The following TMEM106B variants were observed in gnomAD, a reference collection of about 807,000 sequenced individuals.
TMEM106B encodes transmembrane protein 106B.
In TMEM106B, 15 loss-of-function variants were observed where a neutral mutation model predicts 31.1. That is an observed-to-expected ratio of 0.48 (90% confidence interval 0.32 to 0.74). The LOEUF (loss-of-function observed/expected upper bound fraction) is 0.74. Among genes scored for constraint, TMEM106B ranks in the 30% least tolerant of loss-of-function variants. The probability of loss-of-function intolerance (pLI) is 0.03; values close to 1 mark genes in which losing one functional copy is unlikely to be tolerated. For synonymous variants in TMEM106B, 126 were observed against 112.5 expected, an observed-to-expected ratio of 1.12 and a Z score of -0.76; for missense variants, 283 against 327.3, an observed-to-expected ratio of 0.86 and a Z score of 1.04.
chr7:12,214,926 A>G lies in TMEM106B; in HGVS notation c.116A>G (p.Asp39Gly). 1 of 1,614,122 alleles carries G rather than the reference A, an allele frequency of 6.2e-7. No homozygotes were observed. Among genetic ancestry groups the G allele is most frequent in the Non-Finnish European group, 8.5e-7 (1 of 1,179,978 alleles). ...GLVNSEVHNE[D>G]GRNGDVSQFP... ...GTTAATAGTGAAGTCCATAATGAAG[A>G]TGGAAGAAATGGAGATGTCTCTCAG... is the stretch of plus-strand genomic sequence containing the variant. The change falls in exon 2 of 8, where the codon GAT becomes GGT. Residue 39 changes from aspartate to glycine, a missense_variant. This residue lies in a region of TMEM106B where 77 missense variants were observed against 89.4 expected (regional missense o/e 0.86). Coordinates refer to ENST00000396668, the MANE Select transcript of TMEM106B (RefSeq NM_001134232.2).
At chr7:12,222,945 C>T (rs1435527) in intron 3 of TMEM106B, among the ~76,000 whole-genome samples, 77,013 of 151,858 alleles carry the variant, frequency 0.51, 20,547 homozygotes, top group African/African-American at 0.66. Flanking sequence ...GAAATGGTGG[C>T]GGAGAGTGGA....
chr7:12,215,268 T>G (rs914217930), intron 2 of TMEM106B, among the ~76,000 whole-genome samples: 2 of 152,228 alleles, frequency 1.3e-5, no homozygotes, highest in Non-Finnish European at 2.9e-5. Context: ...TCCCACCTGC[T>G]ATTATAGCAG....
In TMEM106B at chr7:12,239,563, T is replaced by C. The variant is rs1782204204; in HGVS notation, c.*7588T>C. 1 of 152,154 alleles carries C rather than the reference T, an allele frequency of 6.6e-6. No homozygotes were observed. Among genetic ancestry groups the C allele is most frequent in the Non-Finnish European group, 1.5e-5 (1 of 68,012 alleles). 9.4% of individuals were successfully genotyped at this position (152,154 alleles called of 1,614,324 possible). A position where few individuals can be genotyped will look rare whatever the true frequency, so the allele number is the denominator to read the frequency against. Reference sequence around the variant, plus strand: ...ATTGTCCTTGGTGAGAAATGCTTGATTACTAGGTGTAATTATTTCTAGCTT... The same window carrying C: ...ATTGTCCTTGGTGAGAAATGCTTGACTACTAGGTGTAATTATTTCTAGCTT... On this transcript the variant is annotated 3_prime_UTR_variant, in exon 8 of 8. Coordinates refer to ENST00000396668, the MANE Select transcript of TMEM106B (RefSeq NM_001134232.2).
intron 3 of TMEM106B, among the ~76,000 whole-genome samples, chr7:12,221,658 G>T (rs1227729327): frequency 1.3e-5 from 2 of 152,194 alleles, no homozygotes; most frequent in African/African-American, 4.8e-5. Flanking sequence ...CCCTGTGATT[G>T]TACCAGCTTA....
chr7:12,215,062 T>C, intron 2 of TMEM106B, 35 bp downstream of exon 2: 2 of 1,562,648 alleles, frequency 1.3e-6, no homozygotes, highest in Non-Finnish European at 1.7e-6. Flanking sequence ...CTTTAAATGA[T>C]TTTAGGTATT....
chr7:12,239,274 T>C lies in TMEM106B; in HGVS notation c.*7299T>C, dbSNP rs1038862497. The C allele has an allele frequency of 2.0e-5, 3 of 152,268 alleles. No individual in the cohort carries two copies. Among genetic ancestry groups the C allele is most frequent in the South Asian group, 2.1e-4 (1 of 4,828 alleles). The allele number at this position is 152,268 out of a possible 1,614,324, so 9.4% of individuals were successfully genotyped here. On this transcript the variant is annotated 3_prime_UTR_variant, in exon 8 of 8. Coordinates refer to ENST00000396668, the MANE Select transcript of TMEM106B (RefSeq NM_001134232.2). ...GCTTCCTCATCTCTCTCAGCCTTCA[T>C]AGAATTGAAGCGTGTTAGGGCTTTG...
rs1441274612 is a variant in TMEM106B, at chr7:12,237,810, T to TACACACACACACACACACAC, written c.*5836_*5837insCACACACACACACACACACA. The TACACACACACACACACACAC allele has an allele frequency of 5.9e-5, 7 of 117,936 alleles. No homozygotes were observed. In the East Asian group the frequency reaches 1.1e-3, roughly 19 times the overall value. 7.3% of individuals were successfully genotyped at this position (117,936 alleles called of 1,614,324 possible). ...ACATGGCGAGACCCCATATAAAATATATACATACACACACACACACACACA... is the reference window on the plus strand; with the variant it reads ...ACATGGCGAGACCCCATATAAAATATACACACACACACACACACACATACATACACACACACACACACACA... On this transcript the variant is annotated 3_prime_UTR_variant, in exon 8 of 8. Transcript: ENST00000396668.
In TMEM106B at chr7:12,233,401, C is replaced by T. The variant is rs1487070741; in HGVS notation, c.*1426C>T. 6.6e-6 allele frequency: 1 copy of T among 151,510 alleles called. No homozygotes were observed. The highest frequency in any genetic ancestry group is 2.4e-5 in the African/African-American group (1 of 41,368). The allele number at this position is 151,510 out of a possible 1,614,324, so 9.4% of individuals were successfully genotyped here. On this transcript the variant is annotated 3_prime_UTR_variant, in exon 8 of 8. Coordinates refer to ENST00000396668, the MANE Select transcript of TMEM106B (RefSeq NM_001134232.2). ...GTTTCCCTTTCCCCACCCCTAAGTG[C>T]CTAACTTAGGTCTGAAACAGCCTGT...
At position 12,239,196 on chromosome 7, in the gene TMEM106B, C is replaced by A. The variant is rs1055355823; in HGVS notation, c.*7221C>A. 1 of 152,144 alleles carries A rather than the reference C, an allele frequency of 6.6e-6. No homozygotes were observed. Among genetic ancestry groups the A allele is most frequent in the Non-Finnish European group, 1.5e-5 (1 of 68,026 alleles). 9.4% of individuals were successfully genotyped at this position (152,144 alleles called of 1,614,324 possible). On this transcript the variant is annotated 3_prime_UTR_variant, in exon 8 of 8. Transcript: ENST00000396668. ...CTTTTATATTATGGAAACAACTTATCTCCTTAAACATCATTAACCAACCTC... is the reference window on the plus strand; with the variant it reads ...CTTTTATATTATGGAAACAACTTATATCCTTAAACATCATTAACCAACCTC...
Position 12,239,184 on chromosome 7 carries a change from G to T in TMEM106B, c.*7209G>T, listed in dbSNP as rs1782196626. 1.3e-5 allele frequency: 2 copies of T among 152,056 alleles called. No individual in the cohort carries two copies. Among genetic ancestry groups the T allele is most frequent in the South Asian group, 2.1e-4 (1 of 4,822 alleles). The allele number at this position is 152,056 out of a possible 1,614,324, so 9.4% of individuals were successfully genotyped here. A position where few individuals can be genotyped will look rare whatever the true frequency, so the allele number is the denominator to read the frequency against. On this transcript the variant is annotated 3_prime_UTR_variant, in exon 8 of 8. Transcript: ENST00000396668. ...CTTCACCTTGCACTTTTATATTATG[G>T]AAACAACTTATCTCCTTAAACATCA... is the stretch of plus-strand genomic sequence containing the variant.
chr7:12,214,359 TACAA>T (rs891354438), intron 1 of TMEM106B: 1 of 153,764 alleles, frequency 6.5e-6, no homozygotes, highest in African/African-American at 2.4e-5. Context: ...TTGTCTTAAC[TACAA>T]ACATTTCTTT....
At position 12,215,040 on chromosome 7, in the gene TMEM106B, G is replaced by C. The variant is rs1488873556; in HGVS notation, c.217+13G>C. On this transcript the variant is annotated intron_variant, in intron 2 of 7. Coordinates refer to ENST00000396668, the MANE Select transcript of TMEM106B (RefSeq NM_001134232.2). ...AGAATTCCTAGGGGTATGTGTTATT[G>C]TATTGTTTTCCCTTTAAATGATTTT... 1 of 1,601,124 alleles carries C rather than the reference G, an allele frequency of 6.2e-7. No individual in the cohort carries two copies. Among genetic ancestry groups the C allele is most frequent in the East Asian group, 2.2e-5 (1 of 44,686 alleles).
intron 1 of TMEM106B, among the ~76,000 whole-genome samples, chr7:12,213,157 AT>A (rs1781614228): frequency 6.6e-6 from 1 of 152,096 alleles, no homozygotes; most frequent in African/African-American, 2.4e-5. Flanking sequence ...AGATTTTTAC[AT>A]TTGTATTGTT....
In TMEM106B at chr7:12,240,176, C is replaced by T. The variant is rs914588544; in HGVS notation, c.*8201C>T. 1 of 152,168 alleles carries T rather than the reference C, an allele frequency of 6.6e-6. No homozygotes were observed. Among genetic ancestry groups the T allele is most frequent in the Admixed American group, 6.6e-5 (1 of 15,266 alleles). 9.4% of individuals were successfully genotyped at this position (152,168 alleles called of 1,614,324 possible). On this transcript the variant is annotated 3_prime_UTR_variant, in exon 8 of 8. Transcript: ENST00000396668. ...GTCCTGACCAAATCGAGTTCTTTCTCATTGGGAACAGTTCATTCCTTTATC... is the reference window on the plus strand; with the variant it reads ...GTCCTGACCAAATCGAGTTCTTTCTTATTGGGAACAGTTCATTCCTTTATC...
Position 12,236,672 on chromosome 7 carries a change from G to A in TMEM106B, c.*4697G>A, listed in dbSNP as rs1304874941. On this transcript the variant is annotated 3_prime_UTR_variant, in exon 8 of 8. Transcript: ENST00000396668. ...CCAGAATTTTAGAAACTAGAAGTCT[G>A]GGAGGTACTATATCAGCTGTAGTTG... The A allele has an allele frequency of 6.6e-6, 1 of 151,992 alleles. No homozygotes were observed. The highest frequency in any genetic ancestry group is 6.6e-5 in the Admixed American group (1 of 15,236). The allele number at this position is 151,992 out of a possible 1,614,324, so 9.4% of individuals were successfully genotyped here.
At chr7:12,223,757 C>G (rs1249022438) in intron 3 of TMEM106B, among the ~76,000 whole-genome samples, 4 of 143,056 alleles carry the variant, frequency 2.8e-5, no homozygotes, top group Non-Finnish European at 4.5e-5. Flanking sequence ...GTCTCGCTCT[C>G]TCGTCCAGGC....
At chr7:12,222,220 A>G (rs978874536) in intron 3 of TMEM106B, among the ~76,000 whole-genome samples, 1 of 152,226 alleles carries the variant, frequency 6.6e-6, no homozygotes, top group Non-Finnish European at 1.5e-5. Context: ...TCATAACTTC[A>G]TTAGCACCTT....
chr7:12,221,849 C>T (rs775505382), intron 3 of TMEM106B, among the ~76,000 whole-genome samples: 1 of 152,118 alleles, frequency 6.6e-6, no homozygotes, highest in Non-Finnish European at 1.5e-5. Flanking sequence ...CAGCTGTGTC[C>T]TGATCAACAT....
At chr7:12,219,905 A>C (rs1489886188) in intron 3 of TMEM106B, among the ~76,000 whole-genome samples, 1 of 152,200 alleles carries the variant, frequency 6.6e-6, no homozygotes, top group Non-Finnish European at 1.5e-5. Flanking sequence ...GGACAAATGC[A>C]AAACATTAAA....
Sources: allele counts gnomAD v4.1 joint callset (sites outside exome capture counted in the v4.1 genomes callset), GRCh38; gene constraint gnomAD v4.1.1; regional missense constraint gnomAD v4.1.1; transcripts MANE v1.5; gene names NCBI Gene and HGNC (gene_info 2026-07-23, HGNC 2026-07-21).